Variants in CSNK1G1 observed in about 807,000 individuals in gnomAD.
CSNK1G1 encodes casein kinase 1 gamma 1.
A neutral mutation model predicts 59.6 loss-of-function variants in CSNK1G1; 22 were observed. The ratio of observed to expected loss-of-function variants is 0.37; its 90% confidence interval spans 0.26 to 0.53. The LOEUF (loss-of-function observed/expected upper bound fraction) is 0.53. Ranked by LOEUF, CSNK1G1 falls within the 20% of genes least tolerant of loss-of-function variation. The probability of loss-of-function intolerance (pLI) is 0.89; values close to 1 mark genes in which losing one functional copy is unlikely to be tolerated. For synonymous variants in CSNK1G1, 179 were observed against 177.1 expected, an observed-to-expected ratio of 1.01 and a Z score of -0.08; for missense variants, 384 against 519.5, an observed-to-expected ratio of 0.74 and a Z score of 2.54.
In CSNK1G1 at chr15:64,317,245, C is replaced by T. The variant is rs1237889376; in HGVS notation, c.-224-16522G>A. Among the ~76,000 whole-genome samples the T allele has an allele frequency of 4.6e-5, 7 of 152,068 alleles. 1 individual carries two copies. The South Asian group carries it at 6.2e-4, about 13-fold the overall frequency. ...CCGGGATTACAGGTGTGCGCCACTA[C>T]GCCCGGCTAATTTTTCTATTTTTAG... On this transcript the variant is annotated intron_variant, in intron 1 of 11. Coordinates refer to ENST00000303052, the MANE Select transcript of CSNK1G1 (RefSeq NM_022048.5).
Position 64,263,822 on chromosome 15 carries a change from C to CAAA in CSNK1G1, c.182-4584_182-4582dup, listed in dbSNP as rs869123397. On this transcript the variant is annotated intron_variant, in intron 2 of 11. Coordinates refer to ENST00000303052, the MANE Select transcript of CSNK1G1 (RefSeq NM_022048.5). Reference sequence around the variant, plus strand: ...TGTGGTTTTATGCCTTTTTGTTTACCAAAAAAAAAAAAAAAAAAAAAAAAA... The same window carrying CAAA: ...TGTGGTTTTATGCCTTTTTGTTTACCAAAAAAAAAAAAAAAAAAAAAAAAAAAA... Among the ~76,000 whole-genome samples, 53 of 53,726 alleles carry CAAA rather than the reference C, an allele frequency of 9.9e-4. 2 individuals are homozygous for CAAA. The highest frequency in any genetic ancestry group is 3.8e-3 in the East Asian group (6 of 1,576). The allele number at this position is 53,726 out of a possible 152,430, so 35.2% of individuals were successfully genotyped here. A position where few individuals can be genotyped will look rare whatever the true frequency, so the allele number is the denominator to read the frequency against.
chr15:64,261,373 G>C (rs1202332478), intron 2 of CSNK1G1, among the ~76,000 whole-genome samples: 1 of 152,102 alleles, frequency 6.6e-6, no homozygotes, highest in Non-Finnish European at 1.5e-5. Flanking sequence ...GGCTGAGGTG[G>C]GTGGATCACC....
rs1250313592 is a variant in CSNK1G1 at position 64,320,401 on chromosome 15, G to A, written c.-224-19678C>T. Among the ~76,000 whole-genome samples, 9 of 152,076 alleles carry A rather than the reference G, an allele frequency of 5.9e-5. No homozygotes were observed. In the South Asian group the frequency reaches 1.2e-3, roughly 21 times the overall value. On this transcript the variant is annotated intron_variant, in intron 1 of 11. Coordinates refer to ENST00000303052, the MANE Select transcript of CSNK1G1 (RefSeq NM_022048.5). ...TTTTGCCATATAAAAATATGGGGCC[G>A]GGCACAGTGGCTCACGCCTGTAATC...
At position 64,223,104 on chromosome 15, in the gene CSNK1G1, T is replaced by C. The variant is rs140874830; in HGVS notation, c.293-6391A>G. ...GCAAGTTCTACTCTGAGCCTGGTTT[T>C]TCGCAGGAGTGCCCATAAAGTGGTC... On this transcript the variant is annotated intron_variant, in intron 4 of 11. Transcript: ENST00000303052. Among the ~76,000 whole-genome samples the C allele has an allele frequency of 1.2e-3, 182 of 152,302 alleles. 7 individuals carry two copies. The highest frequency in any genetic ancestry group is 4.3e-3 in the African/African-American group (178 of 41,560).
intron 1 of CSNK1G1, among the ~76,000 whole-genome samples, chr15:64,312,494 A>G (rs1896048828): frequency 6.6e-6 from 1 of 152,246 alleles, no homozygotes; most frequent in Admixed American, 6.5e-5. Context: ...GACAATAACC[A>G]GAAATGGGGA....
chr15:64,236,846 T>C (rs2082622812), intron 4 of CSNK1G1, among the ~76,000 whole-genome samples: 1 of 152,210 alleles, frequency 6.6e-6, no homozygotes, highest in Non-Finnish European at 1.5e-5. Context: ...CTCATGTATT[T>C]TTCACAGGAC....
Position 64,216,744 on chromosome 15 carries a change from G to A in CSNK1G1, c.293-31C>T. 1 of 1,599,848 alleles carries A rather than the reference G, an allele frequency of 6.3e-7. No homozygotes were observed. The highest frequency in any genetic ancestry group is 8.5e-7 in the Non-Finnish European group (1 of 1,170,796). On this transcript the variant is annotated intron_variant, in intron 4 of 11. Transcript: ENST00000303052. The surrounding 1 kb of genome is among the most constrained non-coding windows in gnomAD (Gnocchi z 4.6). ...AGCAGAGGGGAAATGGGGGTATACA[G>A]TGGGAGACACAAAAGCCAAAATATG...
chr15:64,344,849 T>C (rs1735448618), intron 1 of CSNK1G1, among the ~76,000 whole-genome samples: 2 of 152,204 alleles, frequency 1.3e-5, no homozygotes, highest in Non-Finnish European at 2.9e-5. Context: ...ATATTTTCTT[T>C]TAGCTTTATG....
intron 11 of CSNK1G1, among the ~76,000 whole-genome samples, chr15:64,173,200 A>C (rs1596043806): frequency 6.6e-6 from 1 of 152,338 alleles, no homozygotes; most frequent in South Asian, 2.1e-4. Context: ...CCATACCCCT[A>C]GGTATTCCAT....
intron 2 of CSNK1G1, among the ~76,000 whole-genome samples, chr15:64,281,708 C>A (rs977028204): frequency 6.6e-6 from 1 of 151,132 alleles, no homozygotes; most frequent in South Asian, 2.1e-4. Flanking sequence ...GGCGTGGTGG[C>A]GAGCGCCTGT....
At chr15:64,258,617 TTCTG>T (rs1418928459) in intron 3 of CSNK1G1, among the ~76,000 whole-genome samples, 1 of 152,144 alleles carries the variant, frequency 6.6e-6, no homozygotes, top group Non-Finnish European at 1.5e-5. Context: ...AGATAAAGAA[TTCTG>T]TCTTTTAAAA....
At position 64,348,219 on chromosome 15, in the gene CSNK1G1, T is replaced by C. The variant is rs1417696252; in HGVS notation, c.-225+7769A>G. ...GGATTTTTAGGATGGTGAAACTATG[T>C]GTAGGAAACTGTAATGGTGGATACG... On this transcript the variant is annotated intron_variant, in intron 1 of 11. Coordinates refer to ENST00000303052, the MANE Select transcript of CSNK1G1 (RefSeq NM_022048.5). 4 of 152,260 alleles carry C rather than the reference T, an allele frequency of 2.6e-5. No individual in the cohort carries two copies. The East Asian group carries it at 7.7e-4, about 29-fold the overall frequency. The allele number at this position is 152,260 out of a possible 1,614,324, so 9.4% of individuals were successfully genotyped here. A position where few individuals can be genotyped will look rare whatever the true frequency, so the allele number is the denominator to read the frequency against.
chr15:64,196,199 G>A (rs2082036972), intron 10 of CSNK1G1, among the ~76,000 whole-genome samples: 1 of 151,978 alleles, frequency 6.6e-6, no homozygotes, highest in African/African-American at 2.4e-5. Flanking sequence ...CCTGAGAGGT[G>A]GAGTGAGATC....
chr15:64,211,828 T>C (rs1056336235), intron 6 of CSNK1G1, among the ~76,000 whole-genome samples: 1 of 152,218 alleles, frequency 6.6e-6, no homozygotes, highest in Non-Finnish European at 1.5e-5. Flanking sequence ...AAACATAACA[T>C]GAACACCCAT....
chr15:64,291,217 A>G (rs899319928), intron 2 of CSNK1G1, among the ~76,000 whole-genome samples: 7 of 152,204 alleles, frequency 4.6e-5, no homozygotes, highest in African/African-American at 1.4e-4. Context: ...TTTTCTAAGA[A>G]ACTATTAACT....
chr15:64,263,753 T>C (rs1892824135), intron 2 of CSNK1G1, among the ~76,000 whole-genome samples: 1 of 151,298 alleles, frequency 6.6e-6, no homozygotes, highest in Non-Finnish European at 1.5e-5. Context: ...TTTGTTAACA[T>C]TTCTCAGTCT....
chr15:64,228,539 G>A (rs1304691570), intron 4 of CSNK1G1, among the ~76,000 whole-genome samples: 1 of 152,164 alleles, frequency 6.6e-6, no homozygotes, highest in Non-Finnish European at 1.5e-5. Flanking sequence ...GGGAGGCTGA[G>A]GCAGGGGAAT....
intron 1 of CSNK1G1, among the ~76,000 whole-genome samples, chr15:64,343,208 A>ACACACACACACACACACACACAC (rs5741730): frequency 9.1e-6 from 1 of 109,956 alleles, no homozygotes. Context: ...GCAAAACTCC[A>ACACACACACACACACACACACAC]ACACACACAC....
chr15:64,193,179 G>A (rs1486829462), intron 10 of CSNK1G1, among the ~76,000 whole-genome samples: 2 of 151,916 alleles, frequency 1.3e-5, no homozygotes, highest in African/African-American at 4.8e-5. Flanking sequence ...TATGGTGGGG[G>A]TAAGACGGAA....
Sources: allele counts gnomAD v4.1 joint callset (sites outside exome capture counted in the v4.1 genomes callset), GRCh38; gene constraint gnomAD v4.1.1; non-coding constraint Gnocchi (gnomAD v3.1); transcripts MANE v1.5; gene names NCBI Gene and HGNC (gene_info 2026-07-23, HGNC 2026-07-21).